Variants in PRPF18 observed in about 807,000 individuals in gnomAD.
PRPF18 encodes the protein pre-mRNA-splicing factor 18.
A neutral mutation model predicts 46.5 loss-of-function variants in PRPF18; 38 were observed. That is an observed-to-expected ratio of 0.82 (90% CI 0.63 to 1.07). The LOEUF (loss-of-function observed/expected upper bound fraction) is 1.07. Among genes scored for constraint, PRPF18 ranks in the 50% least tolerant of loss-of-function variants. PRPF18 has a pLI of 0.00. For missense variants in PRPF18, 263 were observed against 410.0 expected (o/e 0.64, Z 3.10); for synonymous variants, 152 against 146.7 (o/e 1.04, Z -0.26).
chr10:13,634,078 G>A (rs965856882), downstream of PRPF18, among the ~76,000 whole-genome samples: 3 of 152,290 alleles, frequency 2.0e-5, no homozygotes, highest in Non-Finnish European at 4.4e-5. Flanking sequence ...GTGGCCAGCC[G>A]CGCAGCTATG....
At chr10:13,640,202 G>T in the PRPF18 span, 1 of 152,234 alleles carries the variant, frequency 6.6e-6, no homozygotes. Context: ...CTTGCCTCTG[G>T]TTCCCAGCCC....
chr10:13,594,826 G>T (rs1383667250), intron 1 of PRPF18, among the ~76,000 whole-genome samples: 3 of 152,152 alleles, frequency 2.0e-5, no homozygotes, highest in Admixed American at 6.5e-5. Flanking sequence ...GTTTTGTTCA[G>T]TTCTGAGAAA....
chr10:13,592,016 C>A, intron 1 of PRPF18: 1 of 683,498 alleles, frequency 1.5e-6, no homozygotes, highest in South Asian at 1.5e-5. Context: ...GTTTAACCAC[C>A]TGGGTACTAC....
chr10:13,618,416 C>T (rs1479844274), intron 9 of PRPF18, among the ~76,000 whole-genome samples: 1 of 151,536 alleles, frequency 6.6e-6, no homozygotes, highest in Non-Finnish European at 1.5e-5. Context: ...TTGCCTGAGG[C>T]CAGGAGTTTA....
chr10:13,624,277 C>T (rs1022318374), intron 9 of PRPF18, among the ~76,000 whole-genome samples: 4 of 152,238 alleles, frequency 2.6e-5, no homozygotes, highest in African/African-American at 4.8e-5. Flanking sequence ...CGCAGCTGGC[C>T]TCACCAATTA....
In PRPF18 at chr10:13,613,730, C is replaced by T; in HGVS notation, c.580-11C>T. 6.2e-7 allele frequency: 1 copy of T among 1,609,770 alleles called. No homozygotes were observed. The highest frequency in any genetic ancestry group is 1.1e-5 in the South Asian group (1 of 89,882). ...GGCATTGTAGTCTAAGTTTACCCAT[C>T]CTTTCAACAGTTTCTTCTTGGCGTT... On this transcript the variant is annotated splice_polypyrimidine_tract_variant and intron_variant, in intron 6 of 9. Coordinates refer to ENST00000378572, the MANE Select transcript of PRPF18 (RefSeq NM_003675.4).
intron 4 of PRPF18, among the ~76,000 whole-genome samples, chr10:13,607,287 G>T (rs2080203085): frequency 6.6e-6 from 1 of 151,988 alleles, no homozygotes; most frequent in African/African-American, 2.4e-5. Context: ...ATGGATTATA[G>T]GAATTCTTTG....
At chr10:13,654,058 CCT>C in the PRPF18 span, 14 of 443,370 alleles carry the variant, frequency 3.2e-5, no homozygotes, top group Non-Finnish European at 4.7e-5. Flanking sequence ...TCTTTCTCCC[CCT>C]GACATTCTTG....
intron 8 of PRPF18, among the ~76,000 whole-genome samples, 193 bp from the exon 9 acceptor site, chr10:13,616,205 G>A (rs2080339382): frequency 6.6e-6 from 1 of 152,130 alleles, no homozygotes; most frequent in Non-Finnish European, 1.5e-5. Flanking sequence ...GGACATTGGT[G>A]GTCCTGGGCA....
At position 13,600,315 on chromosome 10, in the gene PRPF18, G is replaced by A; in HGVS notation, c.216G>A (p.Glu72=). 6.2e-7 allele frequency: 1 copy of A among 1,612,290 alleles called. No homozygotes were observed. The highest frequency in any genetic ancestry group is 1.7e-5 in the Admixed American group (1 of 59,848). ...CAGTGTTAGAACTTGAACTGGCAGA[G>A]GAAAAATTACCTATGACGCTTTCTA... ...SNPVLELELA[E]EKLPMTLSRQ... Residue 72 remains glutamate, a synonymous_variant, in exon 3 of 10, where the codon GAG becomes GAA. Transcript: ENST00000378572.
At chr10:13,621,347 T>C (rs1471795436) in intron 9 of PRPF18, among the ~76,000 whole-genome samples, 3 of 152,126 alleles carry the variant, frequency 2.0e-5, no homozygotes, top group African/African-American at 7.2e-5. Flanking sequence ...ATTTTGTAGG[T>C]TGGAGAAGAA....
At chr10:13,649,906 T>C in the PRPF18 span, among the ~76,000 whole-genome samples, 2 of 152,324 alleles carry the variant, frequency 1.3e-5, no homozygotes, top group Non-Finnish European at 2.9e-5. Context: ...CACTGGAACA[T>C]GAGCTGGGGC....
intron 9 of PRPF18, among the ~76,000 whole-genome samples, chr10:13,629,310 G>A (rs1334221437): frequency 6.6e-6 from 1 of 152,192 alleles, no homozygotes; most frequent in Non-Finnish European, 1.5e-5. Context: ...TGCAAGAATG[G>A]CCAGGTCACG....
chr10:13,594,015 A>G (rs1290091389), intron 1 of PRPF18, among the ~76,000 whole-genome samples: 6 of 152,220 alleles, frequency 3.9e-5, no homozygotes, highest in African/African-American at 1.4e-4. Flanking sequence ...AGGCATGGAG[A>G]ACGCCAAGTG....
At chr10:13,621,514 A>G (rs2080419467) in intron 9 of PRPF18, among the ~76,000 whole-genome samples, 2 of 152,066 alleles carry the variant, frequency 1.3e-5, no homozygotes. Flanking sequence ...TGCCTTCAGA[A>G]TTTGGGCTAG....
chr10:13,617,115 A>G (rs2080353830), intron 9 of PRPF18, among the ~76,000 whole-genome samples: 1 of 152,198 alleles, frequency 6.6e-6, no homozygotes, highest in Non-Finnish European at 1.5e-5. Context: ...TTTGGGCTAA[A>G]CTTTTCTCCC....
chr10:13,623,464 A>T (rs1337015890), intron 9 of PRPF18, among the ~76,000 whole-genome samples: 2 of 152,198 alleles, frequency 1.3e-5, no homozygotes, highest in Non-Finnish European at 2.9e-5. Context: ...AACGTCACTC[A>T]TCTTGTTTTT....
chr10:13,630,200 A>C, intron 9 of PRPF18, 60 bp from the exon 10 acceptor site: 2 of 1,319,450 alleles, frequency 1.5e-6, no homozygotes, highest in Non-Finnish European at 2.2e-6. Context: ...GTTCAGAGGA[A>C]GGCAGTTAAG....
chr10:13,591,460 G>T, intron 1 of PRPF18: 2 of 601,494 alleles, frequency 3.3e-6, no homozygotes, highest in South Asian at 2.1e-5. Context: ...AAGAAATGTA[G>T]AACACCAATT....
Sources: gnomAD v4.1 joint callset for allele counts (sites outside exome capture counted in the v4.1 genomes callset) on GRCh38, gnomAD v4.1.1 for gene constraint, MANE v1.5 for transcripts, NCBI Gene and HGNC (gene_info 2026-07-23, HGNC 2026-07-21) for gene names.